KCNQ1OT1: variants seen among roughly 807,000 people sequenced by gnomAD.
KCNQ1OT1 encodes the protein KCNQ1 opposite strand/antisense transcript 1.
chr11:2,655,198 C>T lies in KCNQ1OT1; in HGVS notation n.44797G>A, dbSNP rs1259435670. 5.3e-5 allele frequency: 21 copies of T among 398,542 alleles called. No homozygotes were observed. In the East Asian group the frequency reaches 6.8e-4, roughly 13 times the overall value. The allele number at this position is 398,542 out of a possible 1,614,324, so 24.7% of individuals were successfully genotyped here. A position where few individuals can be genotyped will look rare whatever the true frequency, so the allele number is the denominator to read the frequency against. The stretch of plus-strand genomic sequence containing the variant: ...TGAGAGGGTGAGACTTGGCAGCCAG[C>T]GTCCCCAGCTGGGGTAGTCGCCACG... On this transcript the variant is annotated non_coding_transcript_exon_variant, in exon 1 of 1. Transcript: ENST00000597346.
chr11:2,699,474 T>C lies in KCNQ1OT1; in HGVS notation n.521A>G, dbSNP rs1043222388. The C allele has an allele frequency of 1.4e-4, 54 of 378,108 alleles. 1 individual carries two copies. The highest frequency in any genetic ancestry group is 2.3e-4 in the Non-Finnish European group (51 of 217,418). The allele number at this position is 378,108 out of a possible 1,614,324, so 23.4% of individuals were successfully genotyped here. On this transcript the variant is annotated non_coding_transcript_exon_variant, in exon 1 of 1. Transcript: ENST00000597346. ...AGGAGCCGCCGGGAGAGTGCCGCGC[T>C]GAGGAGCCCCCGGGGAGAGTGCCGC...
chr11:2,660,590 G>A, exon 1 of KCNQ1OT1: 1 of 398,610 alleles, frequency 2.5e-6, no homozygotes, highest in African/African-American at 2.1e-5. Context: ...AATTCTGCAA[G>A]AGGAAACCCA....
exon 1 of KCNQ1OT1, chr11:2,685,900 C>T (rs1308911033): frequency 2.3e-5 from 9 of 398,638 alleles, no homozygotes; most frequent in Non-Finnish European, 2.7e-5. Context: ...AACTTGTTCT[C>T]CACGGATGAG....
In KCNQ1OT1 at chr11:2,674,572, C is replaced by A. The variant is rs182526565; in HGVS notation, n.25423G>T. On this transcript the variant is annotated non_coding_transcript_exon_variant, in exon 1 of 1. Coordinates refer to ENST00000597346, the Ensembl canonical transcript of KCNQ1OT1. The surrounding 1 kb of genome is among the most constrained non-coding windows in gnomAD (Gnocchi z 5.9). Reference sequence around the variant, plus strand: ...ATACCTCGAGTGAGTGAATCTGAAGCATGCTAGTTGTGTTGCCTTTTAAAT... The same window carrying A: ...ATACCTCGAGTGAGTGAATCTGAAGAATGCTAGTTGTGTTGCCTTTTAAAT... 3.3e-5 allele frequency: 13 copies of A among 398,594 alleles called. No individual in the cohort carries two copies. The Admixed American group carries it at 4.8e-4, about 15-fold the overall frequency. The allele number at this position is 398,594 out of a possible 1,614,324, so 24.7% of individuals were successfully genotyped here. A position where few individuals can be genotyped will look rare whatever the true frequency, so the allele number is the denominator to read the frequency against.
At chr11:2,614,838 T>C in exon 1 of KCNQ1OT1, 1 of 398,506 alleles carries the variant, frequency 2.5e-6, no homozygotes, top group African/African-American at 2.1e-5. Context: ...GTCTTCCAAC[T>C]TTGTTCTTTT....
exon 1 of KCNQ1OT1, chr11:2,639,483 AC>A (rs1218457885): frequency 6.6e-5 from 10 of 152,216 alleles, no homozygotes; most frequent in Admixed American, 6.6e-4. Flanking sequence ...TCCACTCCAG[AC>A]CCTGTTTGCC....
At chr11:2,632,190 A>AAG (rs1374219927) in exon 1 of KCNQ1OT1, 2 of 397,160 alleles carry the variant, frequency 5.0e-6, no homozygotes, top group East Asian at 7.1e-5. Context: ...CTCAAAAAAA[A>AAG]AAAAAAAAAA....
exon 1 of KCNQ1OT1, chr11:2,686,383 G>A (rs1459288726): frequency 2.5e-6 from 1 of 398,480 alleles, no homozygotes; most frequent in Non-Finnish European, 4.4e-6. Flanking sequence ...GCAGAGCCAG[G>A]GTACCCCAAC....
chr11:2,657,795 C>A lies in KCNQ1OT1; in HGVS notation n.42200G>T. ...CTTGACACTTTTGAAGAATACCAGTCAGGTGTCATTGTCCCTCAGTTTGGA... is the reference window on the plus strand; with the variant it reads ...CTTGACACTTTTGAAGAATACCAGTAAGGTGTCATTGTCCCTCAGTTTGGA... On this transcript the variant is annotated non_coding_transcript_exon_variant, in exon 1 of 1. Coordinates refer to ENST00000597346, the Ensembl canonical transcript of KCNQ1OT1. This position sits in a 1 kb window ranked among gnomAD's most constrained non-coding sequence, Gnocchi z 4.8. 2.5e-6 allele frequency: 1 copy of A among 398,570 alleles called. No individual in the cohort carries two copies. The highest frequency in any genetic ancestry group is 1.3e-4 in the South Asian group (1 of 7,836). 24.7% of individuals were successfully genotyped at this position (398,570 alleles called of 1,614,324 possible).
exon 1 of KCNQ1OT1, chr11:2,649,308 AT>A: frequency 2.5e-6 from 1 of 397,382 alleles, no homozygotes. Flanking sequence ...TTTCTTTGCA[AT>A]TTTTTGGTTT....
chr11:2,694,425 G>C (rs1850639376), exon 1 of KCNQ1OT1: 1 of 398,524 alleles, frequency 2.5e-6, no homozygotes, highest in African/African-American at 2.1e-5. Context: ...ACCAGGCAGG[G>C]TGCTAAACAT....
exon 1 of KCNQ1OT1, chr11:2,685,074 G>A (rs2133885095): frequency 5.0e-6 from 2 of 398,658 alleles, no homozygotes; most frequent in Admixed American, 8.8e-5. Context: ...CAGCCTGTGA[G>A]AATTACAGAT....
exon 1 of KCNQ1OT1, chr11:2,649,759 A>G (rs1849729071): frequency 2.5e-6 from 1 of 398,548 alleles, no homozygotes; most frequent in Non-Finnish European, 4.4e-6. Flanking sequence ...TTTGATGAAA[A>G]TGTGCCTCAG....
At position 2,631,255 on chromosome 11, in the gene KCNQ1OT1, T is replaced by C. The variant is rs1206775988; in HGVS notation, n.68740A>G. Reference sequence around the variant, plus strand: ...TCCTGATGGTGTCCCATAAATCCTGTAAACTTCCCTTGTTACCTTTTCATT... The same window carrying C: ...TCCTGATGGTGTCCCATAAATCCTGCAAACTTCCCTTGTTACCTTTTCATT... On this transcript the variant is annotated non_coding_transcript_exon_variant, in exon 1 of 1. Transcript: ENST00000597346. 4 of 398,440 alleles carry C rather than the reference T, an allele frequency of 1.0e-5. No individual in the cohort carries two copies. In the Admixed American group the frequency reaches 1.8e-4, roughly 18 times the overall value. The allele number at this position is 398,440 out of a possible 1,614,324, so 24.7% of individuals were successfully genotyped here.
In KCNQ1OT1 at chr11:2,629,831, T is replaced by G. The variant is rs1406436407; in HGVS notation, n.70164A>C. The G allele has an allele frequency of 1.5e-5, 6 of 398,426 alleles. No individual in the cohort carries two copies. In the East Asian group the frequency reaches 2.1e-4, roughly 14 times the overall value. The allele number at this position is 398,426 out of a possible 1,614,324, so 24.7% of individuals were successfully genotyped here. On this transcript the variant is annotated non_coding_transcript_exon_variant, in exon 1 of 1. Coordinates refer to ENST00000597346, the Ensembl canonical transcript of KCNQ1OT1. The stretch of plus-strand genomic sequence containing the variant: ...CTTCTAACAGGTTTTTTTTGTGGAG[T>G]CTGTAGCATTTTCTACATATATGAT...
chr11:2,693,955 T>G, exon 1 of KCNQ1OT1: 1 of 398,716 alleles, frequency 2.5e-6, no homozygotes, highest in Non-Finnish European at 4.4e-6. Flanking sequence ...CATTCATCAG[T>G]CTGCACTAAC....
Position 2,668,361 on chromosome 11 carries a change from A to G in KCNQ1OT1, n.31634T>C. 1 of 398,410 alleles carries G rather than the reference A, an allele frequency of 2.5e-6. No homozygotes were observed. The highest frequency in any genetic ancestry group is 4.4e-6 in the Non-Finnish European group (1 of 226,044). The allele number at this position is 398,410 out of a possible 1,614,324, so 24.7% of individuals were successfully genotyped here. On this transcript the variant is annotated non_coding_transcript_exon_variant, in exon 1 of 1. Coordinates refer to ENST00000597346, the Ensembl canonical transcript of KCNQ1OT1. This position sits in a 1 kb window ranked among gnomAD's most constrained non-coding sequence, Gnocchi z 4.3. The stretch of plus-strand genomic sequence containing the variant: ...CAGGGTCCTGGGTGGGCATATGTTT[A>G]CTCTTAGTGAATACTACCCAGCAGT...
rs1849203226 is a variant in KCNQ1OT1, at chr11:2,623,187, C to G, written n.76808G>C. ...GATGTGCCTGCTTCTCCTTTGCCTTCCGCCATGATTTTAAGTTTCTGAGGC... is the reference window on the plus strand; with the variant it reads ...GATGTGCCTGCTTCTCCTTTGCCTTGCGCCATGATTTTAAGTTTCTGAGGC... On this transcript the variant is annotated non_coding_transcript_exon_variant, in exon 1 of 1. Transcript: ENST00000597346. The surrounding 1 kb of genome is among the most constrained non-coding windows in gnomAD (Gnocchi z 5.2). 1 of 398,690 alleles carries G rather than the reference C, an allele frequency of 2.5e-6. No homozygotes were observed. Among genetic ancestry groups the G allele is most frequent in the Non-Finnish European group, 4.4e-6 (1 of 226,166 alleles). The allele number at this position is 398,690 out of a possible 1,614,324, so 24.7% of individuals were successfully genotyped here. A position where few individuals can be genotyped will look rare whatever the true frequency, so the allele number is the denominator to read the frequency against.
At position 2,617,779 on chromosome 11, in the gene KCNQ1OT1, G is replaced by C. The variant is rs1172621891; in HGVS notation, n.82216C>G. 2.5e-6 allele frequency: 1 copy of C among 398,372 alleles called. No homozygotes were observed. The highest frequency in any genetic ancestry group is 2.1e-5 in the African/African-American group (1 of 48,604). The allele number at this position is 398,372 out of a possible 1,614,324, so 24.7% of individuals were successfully genotyped here. A position where few individuals can be genotyped will look rare whatever the true frequency, so the allele number is the denominator to read the frequency against. On this transcript the variant is annotated non_coding_transcript_exon_variant, in exon 1 of 1. Transcript: ENST00000597346. This position sits in a 1 kb window ranked among gnomAD's most constrained non-coding sequence, Gnocchi z 4.6. ...TAATTTTGATTTGCATTTCCCTGACGATTAGTGATGTTAAATGTCTTTTCA... is the reference window on the plus strand; with the variant it reads ...TAATTTTGATTTGCATTTCCCTGACCATTAGTGATGTTAAATGTCTTTTCA...
Sources: allele counts gnomAD v4.1 joint callset, GRCh38; gene constraint gnomAD v4.1.1; non-coding constraint Gnocchi (gnomAD v3.1); transcripts MANE v1.5; gene names NCBI Gene and HGNC (gene_info 2026-07-23, HGNC 2026-07-21).